Variants in MYBPC2 observed in about 807,000 individuals in gnomAD.
The protein encoded by MYBPC2 is myosin-binding protein C, fast-type.
Under a neutral mutation model 137.0 loss-of-function variants are expected in MYBPC2, and 122 were observed. The ratio of observed to expected loss-of-function variants is 0.89; its 90% confidence interval spans 0.77 to 1.03. MYBPC2 has a LOEUF of 1.03. Among genes scored for constraint, MYBPC2 ranks in the 50% least tolerant of loss-of-function variants. The pLI, the probability that MYBPC2 is intolerant of heterozygous loss-of-function variation, is 0.00. For missense variants in MYBPC2, 1,500 were observed against 1,534.4 expected (o/e 0.98, Z 0.37); for synonymous variants, 626 against 612.3 (o/e 1.02, Z -0.33).
intron 23 of MYBPC2, 86 bp downstream of exon 23, chr19:50,459,392 G>T: frequency 3.5e-6 from 3 of 853,538 alleles, no homozygotes; most frequent in Non-Finnish European, 5.0e-6. Flanking sequence ...GAGGGGTGGG[G>T]AAGGAGGTGG....
intron 8 of MYBPC2, 103 bp from the exon 9 acceptor site, chr19:50,442,078 T>C: frequency 7.1e-7 from 1 of 1,410,716 alleles, no homozygotes. Context: ...CACTTTGACC[T>C]TGGAGAGCCC....
intron 11 of MYBPC2, among the ~76,000 whole-genome samples, chr19:50,444,082 C>T (rs1387712912): frequency 1.3e-5 from 2 of 152,118 alleles, no homozygotes; most frequent in African/African-American, 4.8e-5. Context: ...TTCATCTGAC[C>T]AATTATCTAT....
rs760035665 is a variant in MYBPC2 at position 50,455,518 on chromosome 19, A to G, written c.2212A>G (p.Ser738Gly). The change falls in exon 20 of 28, where the codon AGT (serine) becomes GGT (glycine). Residue 738 changes from serine (S) to glycine (G), a missense_variant. Physicochemically the swap from Ser to Gly is moderately conservative, Grantham distance 56 (BLOSUM62 0). Coordinates refer to ENST00000357701, the MANE Select transcript of MYBPC2 (RefSeq NM_004533.4). ...TTTCTGGATGCTTGCAGCACCCACGAGTGAACCCCTGCACCTGATAGTGGA... is the reference window on the plus strand; with the variant it reads ...TTTCTGGATGCTTGCAGCACCCACGGGTGAACCCCTGCACCTGATAGTGGA... The part of the protein sequence containing the change: ...TKPFMPIAPT[S>G]EPLHLIVEDV... 15 of 1,613,288 alleles carry G rather than the reference A, an allele frequency of 9.3e-6. No homozygotes were observed. Among genetic ancestry groups the G allele is most frequent in the East Asian group, 4.5e-5 (2 of 44,850 alleles).
chr19:50,433,164 G>C (rs1057255935), intron 1 of MYBPC2, among the ~76,000 whole-genome samples, 192 bp downstream of exon 1: 5 of 152,170 alleles, frequency 3.3e-5, no homozygotes, highest in African/African-American at 1.2e-4. Context: ...ATGGGGAAGA[G>C]GGTCCCTTCC....
At chr19:50,437,232 C>T (rs996960855) in intron 5 of MYBPC2, among the ~76,000 whole-genome samples, 1 of 151,948 alleles carries the variant, frequency 6.6e-6, no homozygotes, top group Non-Finnish European at 1.5e-5. Flanking sequence ...GGGAGAAAGA[C>T]ATGGTGGCCC....
Position 50,459,263 on chromosome 19 carries a change from C to T in MYBPC2, c.2748C>T (p.Ile916=), listed in dbSNP as rs1470902414. The part of the protein sequence containing the change: ...DSGEYELSVQ[I]ENMKDTATIR... ...GGGAGTACGAGCTGAGCGTGCAGAT[C>T]GAGAACATGAAGGACACCGCCACCA... The change falls in exon 23 of 28, where the codon ATC becomes ATT. Residue 916 remains isoleucine (I), a synonymous_variant. Transcript: ENST00000357701. The T allele has an allele frequency of 3.1e-6, 5 of 1,610,348 alleles. No homozygotes were observed. Among genetic ancestry groups the T allele is most frequent in the Non-Finnish European group, 4.2e-6 (5 of 1,179,124 alleles).
rs1420887737 is a variant in MYBPC2 at position 50,448,326 on chromosome 19, A to G, written c.1408A>G (p.Lys470Glu). The G allele has an allele frequency of 1.2e-6, 2 of 1,613,806 alleles. No individual in the cohort carries two copies. Among genetic ancestry groups the G allele is most frequent in the Non-Finnish European group, 1.7e-6 (2 of 1,179,842 alleles). Residue 470 changes from lysine to glutamate, a missense_variant, in exon 13 of 28, where the codon AAG (lysine) becomes GAG (glutamate). Physicochemically the swap from Lys to Glu is moderately conservative, Grantham distance 56. Coordinates refer to ENST00000357701, the MANE Select transcript of MYBPC2 (RefSeq NM_004533.4). Reference sequence around the variant, plus strand: ...GGTGTCTGATGAGAAAGTGACGGGCAAGTGGTATAAGAATGGGGTCGAGGT... The same window carrying G: ...GGTGTCTGATGAGAAAGTGACGGGCGAGTGGTATAAGAATGGGGTCGAGGT... Reference protein sequence around the residue: ...CEVSDEKVTGKWYKNGVEVRP... With the variant: ...CEVSDEKVTGEWYKNGVEVRP...
In MYBPC2 at chr19:50,459,121, G is replaced by T; in HGVS notation, c.2606G>T (p.Arg869Leu). The change falls in exon 23 of 28, where the codon CGG becomes CTG. Residue 869 changes from arginine (R) to leucine (L), a missense_variant. By Grantham distance (102) the Arg-to-Leu change is moderately radical. Coordinates refer to ENST00000357701, the MANE Select transcript of MYBPC2 (RefSeq NM_004533.4). ...NLVVPFQGKP[R>L]PQVVWTKGGA... The stretch of plus-strand genomic sequence containing the variant: ...GCCCTCTCCCCGCAGGGAAAGCCCC[G>T]GCCCCAGGTGGTGTGGACCAAGGGC... 4 of 1,138,384 alleles carry T rather than the reference G, an allele frequency of 3.5e-6. No homozygotes were observed. The highest frequency in any genetic ancestry group is 4.7e-5 in the East Asian group (1 of 21,174). The allele number at this position is 1,138,384 out of a possible 1,614,324, so 70.5% of individuals were successfully genotyped here.
In MYBPC2 at chr19:50,435,652, C is replaced by T; in HGVS notation, c.110-124C>T. ...CAGGTCAGGAAAAGCCATTTAACCCCCATGATGTTTGGTTTCTGAGTAGAG... is the reference window on the plus strand; with the variant it reads ...CAGGTCAGGAAAAGCCATTTAACCCTCATGATGTTTGGTTTCTGAGTAGAG... On this transcript the variant is annotated intron_variant, in intron 2 of 27. Transcript: ENST00000357701. This position sits in a 1 kb window ranked among gnomAD's most constrained non-coding sequence, Gnocchi z 4.8. 1.2e-6 allele frequency: 1 copy of T among 806,878 alleles called. No homozygotes were observed. The highest frequency in any genetic ancestry group is 1.9e-6 in the Non-Finnish European group (1 of 515,892). 50.0% of individuals were successfully genotyped at this position (806,878 alleles called of 1,614,324 possible).
At position 50,451,860 on chromosome 19, in the gene MYBPC2, C is replaced by G. The variant is rs2039861506; in HGVS notation, c.1610-4C>G. The G allele has an allele frequency of 6.3e-7, 1 of 1,590,546 alleles. No homozygotes were observed. The highest frequency in any genetic ancestry group is 1.3e-5 in the African/African-American group (1 of 74,626). ...GGGTCCCTGTATCTCTTCTGTGCCACCAGAGCCACCAAAGATCCACTTGGA... is the reference window on the plus strand; with the variant it reads ...GGGTCCCTGTATCTCTTCTGTGCCAGCAGAGCCACCAAAGATCCACTTGGA... On this transcript the variant is annotated splice_region_variant and splice_polypyrimidine_tract_variant and intron_variant, in intron 15 of 27. Coordinates refer to ENST00000357701, the MANE Select transcript of MYBPC2 (RefSeq NM_004533.4).
intron 10 of MYBPC2, 43 bp from the exon 11 acceptor site, chr19:50,443,668 G>T: frequency 6.2e-7 from 1 of 1,611,392 alleles, no homozygotes; most frequent in South Asian, 1.1e-5. Context: ...GAACTCTGGA[G>T]GGGGTCCTGA....
chr19:50,440,798 A>G (rs1452200961), intron 7 of MYBPC2, 82 bp from the exon 8 acceptor site: 3 of 1,412,066 alleles, frequency 2.1e-6, no homozygotes, highest in Non-Finnish European at 2.9e-6. Context: ...GGTGAGTCAC[A>G]GAGCCAATGA....
In MYBPC2 at chr19:50,466,129, T is replaced by TGGA; in HGVS notation, c.3416-66_3416-65insGGA. ...CTGCTGGTCATGTGGATGCAGCTCC[T>TGGA]CCTCCTGGGGCTTCAGGAGGAGGCG... On this transcript the variant is annotated intron_variant, in intron 27 of 27. Transcript: ENST00000357701. This position sits in a 1 kb window ranked among gnomAD's most constrained non-coding sequence, Gnocchi z 4.9. The TGGA allele has an allele frequency of 6.2e-7, 1 of 1,608,986 alleles. No individual in the cohort carries two copies.
chr19:50,456,082 GTCCA>G (rs34206117), intron 20 of MYBPC2, among the ~76,000 whole-genome samples: 2,929 of 127,828 alleles, frequency 0.023, 82 homozygotes, highest in African/African-American at 0.066. Context: ...TCATCTTACC[GTCCA>G]TCCATCCATC....
chr19:50,445,855 C>T (rs1195159665), intron 11 of MYBPC2, 25 bp from the exon 12 acceptor site: 1 of 1,584,236 alleles, frequency 6.3e-7, no homozygotes, highest in Admixed American at 1.8e-5. Flanking sequence ...CTCCTCACAT[C>T]CCGTTCTGTG....
rs1453143675 is a variant in MYBPC2 at position 50,466,306 on chromosome 19, AAC to A, written c.*103_*104del. Reference sequence around the variant, plus strand: ...TTTCTGGAGTTTTCGCTGAGAACAAAACAGTGTTGTCTGGACCCTGGAGTGTC... The same window carrying A: ...TTTCTGGAGTTTTCGCTGAGAACAAAAGTGTTGTCTGGACCCTGGAGTGTC... On this transcript the variant is annotated 3_prime_UTR_variant, in exon 28 of 28. Transcript: ENST00000357701. This position sits in a 1 kb window ranked among gnomAD's most constrained non-coding sequence, Gnocchi z 4.9. 2 of 1,523,680 alleles carry A rather than the reference AAC, an allele frequency of 1.3e-6. No homozygotes were observed. The highest frequency in any genetic ancestry group is 1.8e-6 in the Non-Finnish European group (2 of 1,105,994). 94.4% of individuals were successfully genotyped at this position (1,523,680 alleles called of 1,614,324 possible).
rs932007149 is a variant in MYBPC2, at chr19:50,435,919, G to A, written c.196+57G>A. ...GCCCGGACTCCTGGGTCTGAGGGAGGAGGGGCCAGGGTCTCGTTCTGTCTC... is the reference window on the plus strand; with the variant it reads ...GCCCGGACTCCTGGGTCTGAGGGAGAAGGGGCCAGGGTCTCGTTCTGTCTC... On this transcript the variant is annotated intron_variant, in intron 3 of 27. Coordinates refer to ENST00000357701, the MANE Select transcript of MYBPC2 (RefSeq NM_004533.4). The surrounding 1 kb of genome is among the most constrained non-coding windows in gnomAD (Gnocchi z 4.8). 1.5e-5 allele frequency: 23 copies of A among 1,549,034 alleles called. No homozygotes were observed. Among genetic ancestry groups the A allele is most frequent in the Non-Finnish European group, 1.9e-5 (22 of 1,143,528 alleles).
Position 50,442,710 on chromosome 19 carries a change from C to T in MYBPC2, c.902+397C>T, listed in dbSNP as rs186808066. On this transcript the variant is annotated intron_variant, in intron 9 of 27. Coordinates refer to ENST00000357701, the MANE Select transcript of MYBPC2 (RefSeq NM_004533.4). ...TCTCGCCACTGCACTCCAGCCTGGG[C>T]GACAGAGTGAGACCCTGTTAACAAC... 2.3e-3 allele frequency among the ~76,000 whole-genome samples: 348 copies of T among 151,874 alleles called. 1 individual carries two copies. The highest frequency in any genetic ancestry group is 8.1e-3 in the African/African-American group (336 of 41,442).
At chr19:50,456,167 A>T (rs1601294449) in intron 20 of MYBPC2, among the ~76,000 whole-genome samples, 2 of 137,670 alleles carry the variant, frequency 1.5e-5, no homozygotes, top group East Asian at 4.5e-4. Flanking sequence ...TCATATTTCC[A>T]TCTATCCATC....
Sources: gnomAD v4.1 joint callset for allele counts (sites outside exome capture counted in the v4.1 genomes callset) on GRCh38, gnomAD v4.1.1 for gene constraint, Gnocchi (gnomAD v3.1) non-coding constraint, MANE v1.5 for transcripts, NCBI Gene and HGNC (gene_info 2026-07-23, HGNC 2026-07-21) for gene names.